PAX5: variants seen among roughly 807,000 people sequenced by gnomAD.
PAX5 encodes the protein paired box 5.
PAX5 carries 9 observed loss-of-function variants against 43.7 expected under a neutral mutation model. The ratio of observed to expected loss-of-function variants is 0.21; its 90% CI spans 0.12 to 0.36. PAX5 has a LOEUF of 0.36. PAX5 is among the 10% of genes least tolerant of loss of function. PAX5 has a pLI of 1.00. For synonymous variants in PAX5, 228 were observed against 214.3 expected (o/e 1.06, Z -0.56); for missense variants, 383 against 532.7 (o/e 0.72, Z 2.77).
At chr9:36,909,007 G>A (rs984629682) in intron 7 of PAX5, among the ~76,000 whole-genome samples, 3 of 151,972 alleles carry the variant, frequency 2.0e-5, no homozygotes, top group Non-Finnish European at 2.9e-5. Flanking sequence ...TTTCTTCTAC[G>A]TGCATTTTAA....
Position 36,839,443 on chromosome 9 carries a change from G to C in PAX5, c.*1117C>G, listed in dbSNP as rs1206165183. On this transcript the variant is annotated 3_prime_UTR_variant, in exon 10 of 10. Coordinates refer to ENST00000358127, the MANE Select transcript of PAX5 (RefSeq NM_016734.3). ...AGGGTCTGCCCCGAGAGGATGCTCA[G>C]AAGTTCTGGCTGTAGGCTGTTTGTG... The C allele has an allele frequency of 4.3e-6, 1 of 233,580 alleles. No homozygotes were observed. The allele number at this position is 233,580 out of a possible 1,614,324, so 14.5% of individuals were successfully genotyped here. A position where few individuals can be genotyped will look rare whatever the true frequency, so the allele number is the denominator to read the frequency against.
intron 7 of PAX5, among the ~76,000 whole-genome samples, chr9:36,888,909 C>T (rs1827135110): frequency 6.6e-6 from 1 of 152,214 alleles, no homozygotes; most frequent in Non-Finnish European, 1.5e-5. Context: ...AGTTTGGAGT[C>T]ACACAGGCCT....
chr9:36,907,097 A>G (rs1173260824), intron 7 of PAX5, among the ~76,000 whole-genome samples: 2 of 152,186 alleles, frequency 1.3e-5, no homozygotes, highest in African/African-American at 4.8e-5. Flanking sequence ...CAAGGGAAGC[A>G]GGACCGTAGA....
chr9:36,930,022 C>G (rs1164552422), intron 6 of PAX5, among the ~76,000 whole-genome samples: 1 of 151,726 alleles, frequency 6.6e-6, no homozygotes, highest in Non-Finnish European at 1.5e-5. Flanking sequence ...ACACCACACC[C>G]AGCTGCCACA....
Position 36,882,161 on chromosome 9 carries a change from T to C in PAX5, c.911-56A>G, listed in dbSNP as rs942811626. ...GAGCATCTTCGCGGCCAGCCGCTCATGTCCACAGCTCCCTGGACGCTTCTG... is the reference window on the plus strand; with the variant it reads ...GAGCATCTTCGCGGCCAGCCGCTCACGTCCACAGCTCCCTGGACGCTTCTG... On this transcript the variant is annotated intron_variant, in intron 7 of 9. Transcript: ENST00000358127. This position sits in a 1 kb window ranked among gnomAD's most constrained non-coding sequence, Gnocchi z 4.4. The C allele has an allele frequency of 5.8e-6, 8 of 1,384,788 alleles. No homozygotes were observed. Among genetic ancestry groups the C allele is most frequent in the Non-Finnish European group, 8.0e-6 (8 of 1,005,938 alleles). The allele number at this position is 1,384,788 out of a possible 1,614,324, so 85.8% of individuals were successfully genotyped here.
chr9:36,853,236 T>G (rs888119541), intron 8 of PAX5, among the ~76,000 whole-genome samples: 6 of 152,206 alleles, frequency 3.9e-5, no homozygotes, highest in African/African-American at 1.2e-4. Flanking sequence ...AGTTTTTTCT[T>G]TGGATACAAA....
At position 37,016,552 on chromosome 9, in the gene PAX5, C is replaced by T. The variant is rs117440681; in HGVS notation, c.213-1358G>A. ...CAAGAAGAAGAGTGTCATGAAACAT[C>T]ATTTCAGGGGGGGATAATTGACATA... is the stretch of plus-strand genomic sequence containing the variant. On this transcript the variant is annotated intron_variant, in intron 2 of 9. Transcript: ENST00000358127. 5.1e-3 allele frequency among the ~76,000 whole-genome samples: 779 copies of T among 152,250 alleles called. 3 individuals are homozygous for T. Among genetic ancestry groups the T allele is most frequent in the Non-Finnish European group, 9.0e-3 (611 of 68,012 alleles).
At chr9:36,991,457 G>C (rs1255341406) in intron 5 of PAX5, among the ~76,000 whole-genome samples, 1 of 152,254 alleles carries the variant, frequency 6.6e-6, no homozygotes, top group African/African-American at 2.4e-5. Context: ...AGCAAGTAAA[G>C]GCTTAGAGTA....
chr9:36,957,631 G>A (rs1225628080), intron 6 of PAX5, among the ~76,000 whole-genome samples: 2 of 152,322 alleles, frequency 1.3e-5, no homozygotes, highest in Admixed American at 6.5e-5. Flanking sequence ...GCTAAAGCCT[G>A]TAGGTCAGTT....
chr9:36,943,909 G>C (rs1368048539), intron 6 of PAX5, among the ~76,000 whole-genome samples: 1 of 152,124 alleles, frequency 6.6e-6, no homozygotes, highest in East Asian at 1.9e-4. Flanking sequence ...ACTAGAGCTG[G>C]GCTCAGTGGC....
intron 6 of PAX5, among the ~76,000 whole-genome samples, chr9:36,925,167 A>G (rs1830549864): frequency 6.6e-6 from 1 of 152,168 alleles, no homozygotes; most frequent in South Asian, 2.1e-4. Flanking sequence ...CTTCCTGGGC[A>G]GCTAAAGTTT....
intron 6 of PAX5, among the ~76,000 whole-genome samples, chr9:36,939,631 G>A (rs565865900): frequency 1.3e-5 from 2 of 152,228 alleles, no homozygotes; most frequent in African/African-American, 4.8e-5. Flanking sequence ...ATCTGTAATT[G>A]GAGATTATGA....
At chr9:36,905,639 G>T (rs141208597) in intron 7 of PAX5, among the ~76,000 whole-genome samples, 1 of 152,174 alleles carries the variant, frequency 6.6e-6, no homozygotes, top group Non-Finnish European at 1.5e-5. Context: ...CTGGATAAAG[G>T]TTCCACTGGG....
Position 36,840,534 on chromosome 9 carries a change from GT to G in PAX5, c.*25del. 1 of 1,568,270 alleles carries G rather than the reference GT, an allele frequency of 6.4e-7. No homozygotes were observed. Among genetic ancestry groups the G allele is most frequent in the Non-Finnish European group, 8.6e-7 (1 of 1,156,672 alleles). On this transcript the variant is annotated 3_prime_UTR_variant, in exon 10 of 10. Transcript: ENST00000358127. ...GTCACCCTCAATAGGTGCCATCAGTGTTTGGTGCCCGCCTGGCTCCAAGGGT... is the reference window on the plus strand; with the variant it reads ...GTCACCCTCAATAGGTGCCATCAGTGTTGGTGCCCGCCTGGCTCCAAGGGT...
At chr9:36,969,823 G>C (rs1314027377) in intron 5 of PAX5, among the ~76,000 whole-genome samples, 1 of 152,214 alleles carries the variant, frequency 6.6e-6, no homozygotes, top group Non-Finnish European at 1.5e-5. Context: ...CCTGTCCCGC[G>C]ATTCCCCTCA....
intron 7 of PAX5, among the ~76,000 whole-genome samples, chr9:36,890,733 G>T (rs1036496384): frequency 6.6e-6 from 1 of 152,154 alleles, no homozygotes; most frequent in Non-Finnish European, 1.5e-5. Context: ...CCACACTCTT[G>T]CCCACAGCAT....
intron 8 of PAX5, chr9:36,861,022 T>G: frequency 1.3e-5 from 2 of 148,712 alleles, no homozygotes; most frequent in African/African-American, 5.0e-5. Flanking sequence ...AGGGAGGGAG[T>G]CAGCAGGAGG....
chr9:36,957,404 G>A (rs1262576962), intron 6 of PAX5, among the ~76,000 whole-genome samples: 1 of 152,176 alleles, frequency 6.6e-6, no homozygotes, highest in Non-Finnish European at 1.5e-5. Flanking sequence ...CGGTTGGGAA[G>A]GTATGGAGTG....
intron 1 of PAX5, among the ~76,000 whole-genome samples, chr9:37,028,743 A>G (rs967923697): frequency 6.6e-6 from 1 of 152,234 alleles, no homozygotes; most frequent in Non-Finnish European, 1.5e-5. Context: ...TGCAAGGGTC[A>G]AGCAAAGCGG....
Sources: gnomAD v4.1 joint callset for allele counts (sites outside exome capture counted in the v4.1 genomes callset) on GRCh38, gnomAD v4.1.1 for gene constraint, Gnocchi (gnomAD v3.1) non-coding constraint, MANE v1.5 for transcripts, NCBI Gene and HGNC (gene_info 2026-07-23, HGNC 2026-07-21) for gene names.